AOPEP: variants seen among roughly 807,000 people sequenced by gnomAD.
AOPEP encodes aminopeptidase O.
In AOPEP, 77 loss-of-function variants were observed where a neutral mutation model predicts 98.1. The observed-to-expected ratio is 0.78, with a 90% CI of 0.65 to 0.95. The LOEUF is 0.95. Among genes scored for constraint, AOPEP ranks in the 40% least tolerant of loss-of-function variants. The pLI, the probability that AOPEP is intolerant of heterozygous loss-of-function variation, is 0.00. For synonymous variants in AOPEP, 346 were observed against 365.3 expected (o/e 0.95, Z 0.60); for missense variants, 1,024 against 1,024.7 (o/e 1.00, Z 0.01).
At chr9:94,900,560 C>T (rs1394734805) in intron 5 of AOPEP, 1 of 152,256 alleles carries the variant, frequency 6.6e-6, no homozygotes, top group African/African-American at 2.4e-5. Flanking sequence ...CTTCTTCTTC[C>T]TGATTTATCA....
intron 11 of AOPEP, chr9:95,004,141 G>C (rs376260238): frequency 2.2e-6 from 1 of 447,318 alleles, no homozygotes. Context: ...TTAAAGGGAT[G>C]GTCAAGACCC....
At chr9:94,982,601 C>G (rs1156780677) in intron 11 of AOPEP, among the ~76,000 whole-genome samples, 3 of 141,300 alleles carry the variant, frequency 2.1e-5, no homozygotes, top group East Asian at 4.1e-4. Flanking sequence ...CAGGGTCTCA[C>G]TGTGTCACCC....
At chr9:95,060,614 T>G (rs1196702731) in intron 13 of AOPEP, 80 bp from the exon 14 acceptor site, 14 of 916,156 alleles carry the variant, frequency 1.5e-5, no homozygotes, top group Non-Finnish European at 2.6e-5. Flanking sequence ...CCTGGGTATG[T>G]GGTCTTCAGT....
intron 14 of AOPEP, among the ~76,000 whole-genome samples, chr9:95,080,133 C>T (rs2069573278): frequency 6.6e-6 from 1 of 152,236 alleles, no homozygotes; most frequent in African/African-American, 2.4e-5. Context: ...TATCTGTCAT[C>T]TTGCAAAATC....
At chr9:94,759,564 G>A in intron 1 of AOPEP, 85 bp from the exon 2 acceptor site, 1 of 528,674 alleles carries the variant, frequency 1.9e-6, no homozygotes, top group Non-Finnish European at 3.3e-6. Context: ...TTTAAGGATG[G>A]TGGTCAACTT....
At position 94,923,992 on chromosome 9, in the gene AOPEP, C is replaced by A; in HGVS notation, c.1371C>A (p.His457Gln). ...TCTCCCCCATTATCCACAGCCCACA[C>A]ATCATGTTCCTCTCTCAGAGCATCT... ...NFPSLGMASPHIMFLSQSILT... is the reference protein window; with the variant it reads ...NFPSLGMASPQIMFLSQSILT... The change falls in exon 6 of 17, where the codon CAC (histidine) becomes CAA (glutamine). Residue 457 changes from histidine to glutamine, a missense_variant. Around this residue, in one of 3 missense-constraint regions of AOPEP, gnomAD observed 566 missense variants for 551.7 expected, o/e 1.03. Coordinates refer to ENST00000375315, the MANE Select transcript of AOPEP (RefSeq NM_001193329.3). 6.9e-7 allele frequency: 1 copy of A among 1,454,086 alleles called. No homozygotes were observed. The highest frequency in any genetic ancestry group is 1.5e-5 in the South Asian group (1 of 68,368). 90.1% of individuals were successfully genotyped at this position (1,454,086 alleles called of 1,614,324 possible).
chr9:95,069,604 TAAG>T (rs2068270602), intron 14 of AOPEP, among the ~76,000 whole-genome samples: 1 of 152,196 alleles, frequency 6.6e-6, no homozygotes. Context: ...TGGAGGAAAA[TAAG>T]AAGCATTCCA....
chr9:95,012,752 C>G (rs1386437599), intron 13 of AOPEP, among the ~76,000 whole-genome samples: 2 of 152,028 alleles, frequency 1.3e-5, no homozygotes, highest in Non-Finnish European at 2.9e-5. Context: ...TAAACTCAAG[C>G]TTTTAATCTC....
chr9:95,072,618 G>A (rs116513110), intron 14 of AOPEP, among the ~76,000 whole-genome samples: 2,065 of 152,252 alleles, frequency 0.014, 43 homozygotes, highest in African/African-American at 0.047. Context: ...GAGCGACAGA[G>A]TGAGACTCTG....
chr9:95,001,250 C>T (rs1410795429), intron 11 of AOPEP, among the ~76,000 whole-genome samples: 1 of 152,226 alleles, frequency 6.6e-6, no homozygotes, highest in African/African-American at 2.4e-5. Context: ...CAATCAATCA[C>T]GAGGTTAAAT....
At chr9:94,948,096 T>C (rs562078925) in intron 7 of AOPEP, among the ~76,000 whole-genome samples, 44 of 152,212 alleles carry the variant, frequency 2.9e-4, no homozygotes, top group Non-Finnish European at 5.4e-4. Context: ...TTCTTATTCA[T>C]TGGACCCTCA....
chr9:94,766,406 G>A (rs561899499), intron 2 of AOPEP, among the ~76,000 whole-genome samples: 67 of 152,258 alleles, frequency 4.4e-4, no homozygotes, highest in African/African-American at 1.5e-3. Context: ...GCGTGGTGGC[G>A]GGCGCCCGTT....
intron 5 of AOPEP, among the ~76,000 whole-genome samples, chr9:94,843,652 T>C (rs1466368749): frequency 6.6e-6 from 1 of 152,252 alleles, no homozygotes; most frequent in Non-Finnish European, 1.5e-5. Context: ...AACCAAGTTT[T>C]TAGTGGATAT....
chr9:95,079,050 G>C (rs1265485616), intron 14 of AOPEP, among the ~76,000 whole-genome samples: 1 of 152,178 alleles, frequency 6.6e-6, no homozygotes, highest in Non-Finnish European at 1.5e-5. Flanking sequence ...CTTCCCTTTT[G>C]CTCTGAGGGC....
rs58447292 is a variant in AOPEP at position 94,759,207 on chromosome 9, G to A, written c.-135-442G>A. 6.7e-3 allele frequency among the ~76,000 whole-genome samples: 1,016 copies of A among 152,204 alleles called. 8 individuals are homozygous for A. The highest frequency in any genetic ancestry group is 0.024 in the African/African-American group (978 of 41,514). On this transcript the variant is annotated intron_variant, in intron 1 of 16. Transcript: ENST00000375315. Reference sequence around the variant, plus strand: ...GTATGTATTAAATTATTACTCTCAAGGAATAAAATGTGTGGGGCCATTTAG... The same window carrying A: ...GTATGTATTAAATTATTACTCTCAAAGAATAAAATGTGTGGGGCCATTTAG...
intron 3 of AOPEP, among the ~76,000 whole-genome samples, chr9:94,783,116 T>A (rs1001310549): frequency 6.6e-6 from 1 of 152,212 alleles, no homozygotes; most frequent in Non-Finnish European, 1.5e-5. Context: ...GTCACCTGCA[T>A]TGAAGGTCAG....
intron 5 of AOPEP, among the ~76,000 whole-genome samples, chr9:94,912,883 C>T (rs1334854686): frequency 6.6e-6 from 1 of 152,234 alleles, no homozygotes; most frequent in East Asian, 1.9e-4. Context: ...GCTCCCGCTG[C>T]ACTGCCAGTC....
At chr9:94,889,021 G>T (rs1360067948) in intron 5 of AOPEP, among the ~76,000 whole-genome samples, 1 of 151,908 alleles carries the variant, frequency 6.6e-6, no homozygotes, top group Non-Finnish European at 1.5e-5. Flanking sequence ...CCTGCCCCTC[G>T]AAACCTCTCC....
intron 7 of AOPEP, among the ~76,000 whole-genome samples, chr9:94,942,873 C>G (rs66863985): frequency 0.037 from 5,419 of 144,534 alleles, 122 homozygotes; most frequent in Admixed American, 0.068. Context: ...CCATTGCACT[C>G]CAGCCTAGGG....
Sources: allele counts gnomAD v4.1 joint callset (sites outside exome capture counted in the v4.1 genomes callset), GRCh38; gene constraint gnomAD v4.1.1; regional missense constraint gnomAD v4.1.1; transcripts MANE v1.5; gene names NCBI Gene and HGNC (gene_info 2026-07-23, HGNC 2026-07-21).